The following PCDHGB5 variants were observed in gnomAD, a reference collection of about 807,000 sequenced individuals.
PCDHGB5 encodes protocadherin gamma subfamily B, 5.
Under a neutral mutation model 62.9 loss-of-function variants are expected in PCDHGB5, and 48 were observed. The ratio of observed to expected loss-of-function variants is 0.76; its 90% CI spans 0.61 to 0.97. The LOEUF (loss-of-function observed/expected upper bound fraction) is 0.97. PCDHGB5 is among the 50% of genes least tolerant of loss of function. The pLI is 0.00. For synonymous variants in PCDHGB5, 474 were observed against 511.2 expected, an observed-to-expected ratio of 0.93 and a Z score of 0.98; for missense variants, 1,118 against 1,198.6, an observed-to-expected ratio of 0.93 and a Z score of 0.99.
At chr5:141,471,786 A>G (rs1043196530) in intron 1 of PCDHGB5, among the ~76,000 whole-genome samples, 6 of 152,244 alleles carry the variant, frequency 3.9e-5, no homozygotes, top group African/African-American at 1.4e-4. Flanking sequence ...ACATTATGCT[A>G]TGTCATATAA....
At chr5:141,418,433 C>G (rs761824602) in intron 1 of PCDHGB5, 44 of 1,613,938 alleles carry the variant, frequency 2.7e-5, no homozygotes, top group Non-Finnish European at 3.7e-5. Flanking sequence ...TGGCAAATAT[C>G]CAGAATTAGT....
chr5:141,507,570 G>A (rs562674847), intron 3 of PCDHGB5, among the ~76,000 whole-genome samples: 1 of 152,366 alleles, frequency 6.6e-6, no homozygotes, highest in South Asian at 2.1e-4. Flanking sequence ...CTGGGTCTGA[G>A]GAGATGCCAA....
chr5:141,470,565 A>T (rs2099233471), intron 1 of PCDHGB5, among the ~76,000 whole-genome samples: 1 of 152,172 alleles, frequency 6.6e-6, no homozygotes, highest in African/African-American at 2.4e-5. Context: ...CCTCTGTGCC[A>T]AGCAGGATCA....
rs2095403267 is a variant in PCDHGB5, at chr5:141,410,523, A to C, written c.2397+9999A>C. 2 of 1,613,800 alleles carry C rather than the reference A, an allele frequency of 1.2e-6. No individual in the cohort carries two copies. Among genetic ancestry groups the C allele is most frequent in the African/African-American group, 2.7e-5 (2 of 74,910 alleles). ...TTCCTAAAATGCAGTGTGCCCCTAC[A>C]TTCCAATGAAGACATGGTTTGCAGT... On this transcript the variant is annotated intron_variant, in intron 1 of 3. Coordinates refer to ENST00000617380, the MANE Select transcript of PCDHGB5 (RefSeq NM_018925.3).
chr5:141,401,250 GA>G (rs1387561920), intron 1 of PCDHGB5, among the ~76,000 whole-genome samples: 4 of 152,148 alleles, frequency 2.6e-5, no homozygotes, highest in African/African-American at 9.7e-5. Flanking sequence ...GCTAAGACAG[GA>G]GAATTGCTTG....
At chr5:141,480,942 G>T (rs2099528600) in intron 1 of PCDHGB5, among the ~76,000 whole-genome samples, 3 of 152,132 alleles carry the variant, frequency 2.0e-5, no homozygotes, top group Non-Finnish European at 2.9e-5. Flanking sequence ...CTACTCTAGA[G>T]GCTGAGGCGG....
chr5:141,434,072 A>G lies in PCDHGB5; in HGVS notation c.2397+33548A>G, dbSNP rs558084143. On this transcript the variant is annotated intron_variant, in intron 1 of 3. Coordinates refer to ENST00000617380, the MANE Select transcript of PCDHGB5 (RefSeq NM_018925.3). ...CAATGGCCTGTAATCTGTTAATATC[A>G]ATTATTTATTTTGATGCTGAAATTG... Among the ~76,000 whole-genome samples the G allele has an allele frequency of 1.9e-3, 289 of 152,072 alleles. 1 individual carries two copies. Among genetic ancestry groups the G allele is most frequent in the African/African-American group, 6.7e-3 (276 of 41,486 alleles).
chr5:141,402,872 T>A, intron 1 of PCDHGB5: 1 of 1,455,372 alleles, frequency 6.9e-7, no homozygotes, highest in Non-Finnish European at 9.1e-7. Flanking sequence ...AAGATCACCA[T>A]ACTTTGCAGG....
intron 3 of PCDHGB5, among the ~76,000 whole-genome samples, chr5:141,508,841 C>A (rs969875150): frequency 6.6e-6 from 1 of 152,140 alleles, no homozygotes; most frequent in East Asian, 1.9e-4. Context: ...TCCCCTACCC[C>A]TTCCATTCCC....
chr5:141,417,613 G>A (rs984573855), intron 1 of PCDHGB5: 2 of 624,312 alleles, frequency 3.2e-6, no homozygotes, highest in African/African-American at 3.7e-5. Flanking sequence ...GTCGGCCAGT[G>A]CAGAGCAAGC....
chr5:141,510,083 G>A (rs2099879432), intron 3 of PCDHGB5, among the ~76,000 whole-genome samples: 1 of 152,104 alleles, frequency 6.6e-6, no homozygotes, highest in Non-Finnish European at 1.5e-5. Flanking sequence ...CAGAGTGCCT[G>A]GCACACAGTA....
At chr5:141,453,919 C>T (rs142719452) in intron 1 of PCDHGB5, among the ~76,000 whole-genome samples, 2 of 152,318 alleles carry the variant, frequency 1.3e-5, no homozygotes, top group African/African-American at 4.8e-5. Flanking sequence ...TGTCAGTGAT[C>T]AGTCACTGTG....
intron 1 of PCDHGB5, among the ~76,000 whole-genome samples, chr5:141,481,794 A>C (rs1433830305): frequency 6.6e-6 from 1 of 152,136 alleles, no homozygotes; most frequent in East Asian, 1.9e-4. Context: ...TCTACTAAAA[A>C]TACAAAAATT....
At chr5:141,427,776 G>T (rs3828681) in intron 1 of PCDHGB5, 8 of 1,424,704 alleles carry the variant, frequency 5.6e-6, no homozygotes, top group Non-Finnish European at 9.8e-7. Context: ...GGAGCTGCGG[G>T]CACTGTCGTC....
intron 1 of PCDHGB5, among the ~76,000 whole-genome samples, chr5:141,483,340 C>T (rs906468552): frequency 5.9e-5 from 9 of 152,036 alleles, no homozygotes; most frequent in Non-Finnish European, 1.2e-4. Flanking sequence ...GATCTTATCT[C>T]TTTGCAATAG....
Position 141,490,522 on chromosome 5 carries a change from G to A in PCDHGB5, c.2398-4285G>A, listed in dbSNP as rs191201177. ...CTATATCATCGAGCTGCTGGCCAGC[G>A]ATGCTGGTTCACCTTCCCTACACAA... On this transcript the variant is annotated intron_variant, in intron 1 of 3. Transcript: ENST00000617380. This position sits in a 1 kb window ranked among gnomAD's most constrained non-coding sequence, Gnocchi z 5.4. 5.0e-6 allele frequency: 8 copies of A among 1,614,054 alleles called. No homozygotes were observed. Among genetic ancestry groups the A allele is most frequent in the Admixed American group, 3.3e-5 (2 of 60,010 alleles).
At chr5:141,451,925 G>A (rs1391178313) in intron 1 of PCDHGB5, among the ~76,000 whole-genome samples, 2 of 152,012 alleles carry the variant, frequency 1.3e-5, no homozygotes, top group East Asian at 3.8e-4. Context: ...AGGAAGGGAG[G>A]TAGGGAGGCA....
In PCDHGB5 at chr5:141,491,163, C is replaced by T; in HGVS notation, c.2398-3644C>T. On this transcript the variant is annotated intron_variant, in intron 1 of 3. Transcript: ENST00000617380. The surrounding 1 kb of genome is among the most constrained non-coding windows in gnomAD (Gnocchi z 6.9). ...CCTTACTGGAGGATGACTCTGACAC[C>T]CAGCAGGTGGTGGTCCTGGTGAGGG... is the stretch of plus-strand genomic sequence containing the variant. 1 of 1,614,092 alleles carries T rather than the reference C, an allele frequency of 6.2e-7. No homozygotes were observed. Among genetic ancestry groups the T allele is most frequent in the Non-Finnish European group, 8.5e-7 (1 of 1,179,950 alleles).
intron 1 of PCDHGB5, chr5:141,430,885 C>T (rs771554381): frequency 5.6e-6 from 9 of 1,605,218 alleles, no homozygotes; most frequent in South Asian, 1.1e-5. Flanking sequence ...TGGAGAAAGG[C>T]TCTAGGGTGG....
Sources: gnomAD v4.1 joint callset for allele counts (sites outside exome capture counted in the v4.1 genomes callset) on GRCh38, gnomAD v4.1.1 for gene constraint, Gnocchi (gnomAD v3.1) non-coding constraint, MANE v1.5 for transcripts, NCBI Gene and HGNC (gene_info 2026-07-23, HGNC 2026-07-21) for gene names.